The following TRIP13 variants were observed in gnomAD, a reference collection of about 807,000 sequenced individuals.
The protein encoded by TRIP13 is pachytene checkpoint protein 2 homolog.
In TRIP13, 25 loss-of-function variants were observed where a neutral mutation model predicts 54.4. The observed-to-expected ratio is 0.46, with a 90% confidence interval of 0.33 to 0.64. The LOEUF (loss-of-function observed/expected upper bound fraction) is 0.64, where lower values mean the gene tolerates loss of function less well. TRIP13 is among the 30% of genes least tolerant of loss of function. The pLI, the probability that TRIP13 is intolerant of heterozygous loss-of-function variation, is 0.02. For synonymous variants in TRIP13, 207 were observed against 207.8 expected, an observed-to-expected ratio of 1.00 and a Z score of 0.03; for missense variants, 373 against 534.2, an observed-to-expected ratio of 0.70 and a Z score of 2.97.
Position 900,549 on chromosome 5 carries a change from T to G in TRIP13, c.444T>G (p.His148Gln). The change falls in exon 4 of 13, where the codon CAT becomes CAG. Residue 148 changes from histidine (H) to glutamine (Q), a missense_variant and splice_region_variant. Around this residue, in one of 4 missense-constraint regions of TRIP13, gnomAD observed 119 missense variants for 223.0 expected, o/e 0.53. Coordinates refer to ENST00000166345, the MANE Select transcript of TRIP13 (RefSeq NM_004237.4). ...TATACGATGTGGAAGTCAAATCCCA[T>G]GTAAGTTGCTGTGCCTTTTCCCAGA... ...SLVYDVEVKS[H>Q]LLDYVMTTLL... 1.2e-6 allele frequency: 2 copies of G among 1,611,136 alleles called. No individual in the cohort carries two copies. The highest frequency in any genetic ancestry group is 1.7e-6 in the Non-Finnish European group (2 of 1,179,310).
At chr5:909,870 T>C (rs1381703337) in intron 9 of TRIP13, among the ~76,000 whole-genome samples, 2 of 152,266 alleles carry the variant, frequency 1.3e-5, no homozygotes, top group African/African-American at 2.4e-5. Context: ...TAAGAACGCC[T>C]TTAAGCGGTT....
chr5:906,275 G>T (rs548263306), intron 6 of TRIP13, among the ~76,000 whole-genome samples: 1 of 150,580 alleles, frequency 6.6e-6, no homozygotes, highest in Non-Finnish European at 1.5e-5. Context: ...GCTTTTTCCA[G>T]TACAAAGATC....
intron 5 of TRIP13, among the ~76,000 whole-genome samples, chr5:901,918 C>T (rs913285805): frequency 2.0e-5 from 3 of 152,186 alleles, no homozygotes; most frequent in African/African-American, 7.2e-5. Context: ...CCACCGCGCG[C>T]GGCCCCTGGG....
intron 4 of TRIP13, 55 bp from the exon 5 acceptor site, chr5:901,285 TG>T: frequency 1.3e-6 from 2 of 1,553,926 alleles, no homozygotes; most frequent in Non-Finnish European, 1.8e-6. Flanking sequence ...GCACATTTCT[TG>T]GGGACCTTTG....
intron 11 of TRIP13, among the ~76,000 whole-genome samples, 166 bp downstream of exon 11, chr5:914,743 A>G (rs899991917): frequency 6.8e-6 from 1 of 147,564 alleles, no homozygotes; most frequent in African/African-American, 2.6e-5. Flanking sequence ...GTGTGTGTGC[A>G]TGTGAGTAGA....
At chr5:897,255 A>G (rs71593356) in intron 3 of TRIP13, among the ~76,000 whole-genome samples, 109 of 113,630 alleles carry the variant, frequency 9.6e-4, no homozygotes, top group Non-Finnish European at 1.3e-3. Context: ...GATGGGCTCT[A>G]GCAGGCCAAG....
Position 893,028 on chromosome 5 carries a change from G to A in TRIP13, c.30G>A (p.Gln10=). The A allele has an allele frequency of 6.3e-7, 1 of 1,594,874 alleles. No individual in the cohort carries two copies. The highest frequency in any genetic ancestry group is 8.5e-7 in the Non-Finnish European group (1 of 1,174,582). ...ACGAGGCCGTGGGCGACCTGAAGCA[G>A]GCGCTTCCCTGTGTGGCCGAGTCGC... MDEAVGDLK[Q]ALPCVAESPT... The change falls in exon 1 of 13, where the codon CAG becomes CAA. Residue 10 remains glutamine (Q), a synonymous_variant. Transcript: ENST00000166345.
intron 5 of TRIP13, among the ~76,000 whole-genome samples, chr5:902,029 A>T (rs764276653): frequency 3.3e-5 from 5 of 152,236 alleles, no homozygotes; most frequent in Non-Finnish European, 7.3e-5. Context: ...CCTTATGTAG[A>T]CTATTTTTTC....
chr5:909,434 T>C (rs951675552), intron 9 of TRIP13, among the ~76,000 whole-genome samples: 1 of 152,166 alleles, frequency 6.6e-6, no homozygotes, highest in South Asian at 2.1e-4. Flanking sequence ...GACTGAACTG[T>C]GCAGAGGAAC....
rs752422774 is a variant in TRIP13 at position 900,473 on chromosome 5, CTTTG to C, written c.389-17_389-14del. 4 of 1,613,168 alleles carry C rather than the reference CTTTG, an allele frequency of 2.5e-6. No individual in the cohort carries two copies. Among genetic ancestry groups the C allele is most frequent in the East Asian group, 4.5e-5 (2 of 44,806 alleles). On this transcript the variant is annotated splice_polypyrimidine_tract_variant and intron_variant, in intron 3 of 12. Coordinates refer to ENST00000166345, the MANE Select transcript of TRIP13 (RefSeq NM_004237.4). Reference sequence around the variant, plus strand: ...ATTGCTTGCCTTCCTGAAATCAGGTCTTTGTTTAATTCTGTCACAGCTGAATTCC... The same window carrying C: ...ATTGCTTGCCTTCCTGAAATCAGGTCTTTAATTCTGTCACAGCTGAATTCC...
At chr5:896,290 G>T (rs1249812720) in intron 2 of TRIP13, among the ~76,000 whole-genome samples, 1 of 152,110 alleles carries the variant, frequency 6.6e-6, no homozygotes, top group Non-Finnish European at 1.5e-5. Context: ...CTCTAGCCTG[G>T]GCGACAAAGC....
At chr5:903,073 C>T (rs10475448) in intron 5 of TRIP13, among the ~76,000 whole-genome samples, 1,794 of 152,142 alleles carry the variant, frequency 0.012, 34 homozygotes, top group African/African-American at 0.041. Flanking sequence ...TGACTGCGGG[C>T]GGGTCTGACT....
At chr5:896,580 TG>T in intron 2 of TRIP13, 84 bp from the exon 3 acceptor site, 1 of 1,434,428 alleles carries the variant, frequency 7.0e-7, no homozygotes. Flanking sequence ...AGTTTTTATT[TG>T]TAGACCTTAA....
rs73734409 is a variant in TRIP13, at chr5:907,941, C to T, written c.673-47C>T. 0.01 allele frequency: 16,705 copies of T among 1,591,850 alleles called. 1,046 individuals carry two copies. In the African/African-American group the frequency reaches 0.16, roughly 16 times the overall value. On this transcript the variant is annotated intron_variant, in intron 7 of 12. Transcript: ENST00000166345. This position sits in a 1 kb window ranked among gnomAD's most constrained non-coding sequence, Gnocchi z 4.1. ...CATCAGGGTCCCCCTGTGCACCTGG[C>T]AGTGTGGTCCCTGCACGTTGACACT...
At chr5:900,573 G>C (rs1753962501) in intron 4 of TRIP13, 24 bp downstream of exon 4, 1 of 1,608,034 alleles carries the variant, frequency 6.2e-7, no homozygotes, top group East Asian at 2.2e-5. Flanking sequence ...CCTTTTCCCA[G>C]AATGCCCTGT....
intron 5 of TRIP13, among the ~76,000 whole-genome samples, chr5:903,645 T>C (rs566345229): frequency 4.6e-5 from 7 of 152,230 alleles, no homozygotes; most frequent in African/African-American, 1.7e-4. Flanking sequence ...TCTTCTAGTA[T>C]GGGGTATGAG....
intron 6 of TRIP13, among the ~76,000 whole-genome samples, chr5:906,580 T>C (rs984929769): frequency 1.3e-5 from 2 of 152,254 alleles, no homozygotes; most frequent in African/African-American, 4.8e-5. Context: ...AGTCAGTTTC[T>C]CTCTGGCCTC....
chr5:911,622 G>A lies in TRIP13; in HGVS notation c.867-221G>A, dbSNP rs1029164865. On this transcript the variant is annotated intron_variant, in intron 9 of 12. Transcript: ENST00000166345. This position sits in a 1 kb window ranked among gnomAD's most constrained non-coding sequence, Gnocchi z 4.7. ...TCCTTGCCAAGGTTGAAGGCAGTGA[G>A]GGAATGAGCGAAGTGGGGCTGTAGA... is the stretch of plus-strand genomic sequence containing the variant. Among the ~76,000 whole-genome samples the A allele has an allele frequency of 1.3e-5, 2 of 151,692 alleles. No homozygotes were observed. The highest frequency in any genetic ancestry group is 2.4e-5 in the African/African-American group (1 of 41,268).
chr5:902,552 A>G (rs1754014908), intron 5 of TRIP13, among the ~76,000 whole-genome samples: 1 of 152,132 alleles, frequency 6.6e-6, no homozygotes. Context: ...CTTTTTCCAT[A>G]TTGGTCACCT....
Sources: gnomAD v4.1 joint callset for allele counts (sites outside exome capture counted in the v4.1 genomes callset) on GRCh38, gnomAD v4.1.1 for gene constraint, gnomAD v4.1.1 regional missense constraint, Gnocchi (gnomAD v3.1) non-coding constraint, MANE v1.5 for transcripts, NCBI Gene and HGNC (gene_info 2026-07-23, HGNC 2026-07-21) for gene names.